Variants in FGD4 observed in about 807,000 individuals in gnomAD.
FGD4 encodes FYVE, RhoGEF and PH domain-containing protein 4.
Under a neutral mutation model 102.0 loss-of-function variants are expected in FGD4, and 42 were observed. The observed-to-expected ratio is 0.41, with a 90% CI of 0.32 to 0.53. FGD4 has a LOEUF of 0.53. Ranked by LOEUF, FGD4 falls within the 20% of genes least tolerant of loss-of-function variation. The pLI, the probability that FGD4 is intolerant of heterozygous loss-of-function variation, is 0.21. For synonymous variants in FGD4, 380 were observed against 375.7 expected (o/e 1.01, Z -0.13); for missense variants, 902 against 1,078.2 (o/e 0.84, Z 2.29).
At chr12:32,529,652 G>C (rs1396659547) in intron 1 of FGD4, among the ~76,000 whole-genome samples, 1 of 151,332 alleles carries the variant, frequency 6.6e-6, no homozygotes, top group African/African-American at 2.4e-5. Context: ...AGACCAGCCT[G>C]ACCAACATGG....
intron 1 of FGD4, among the ~76,000 whole-genome samples, chr12:32,494,151 G>A (rs1307249474): frequency 6.6e-6 from 1 of 152,182 alleles, no homozygotes; most frequent in African/African-American, 2.4e-5. Flanking sequence ...CAATCCTCCT[G>A]CCTCAACCTT....
At chr12:32,620,520 C>CTTTCTTTCTTTTTTTTTT (rs1949747434) in intron 11 of FGD4, among the ~76,000 whole-genome samples, 1 of 91,136 alleles carries the variant, frequency 1.1e-5, no homozygotes, top group African/African-American at 4.6e-5. Context: ...TTTTTTCTTT[C>CTTTCTTTCTTTTTTTTTT]TTTTTTTTTT....
At chr12:32,532,979 G>A (rs766789709) in intron 1 of FGD4, among the ~76,000 whole-genome samples, 8 of 152,206 alleles carry the variant, frequency 5.3e-5, no homozygotes, top group Non-Finnish European at 1.0e-4. Context: ...TGGGGAGCTT[G>A]TGTTGAAGTG....
Position 32,611,154 on chromosome 12 carries a change from C to G in FGD4, c.1620C>G (p.Leu540=). The G allele has an allele frequency of 6.2e-7, 1 of 1,614,048 alleles. No individual in the cohort carries two copies. Among genetic ancestry groups the G allele is most frequent in the Non-Finnish European group, 8.5e-7 (1 of 1,180,014 alleles). ...AIRKMENLKK[L]LEIYEMLGEE... ...TTTCCTAGGAGAACCTAAAGAAACT[C>G]TTAGAGATTTATGAAATGTTGGGAG... is the stretch of plus-strand genomic sequence containing the variant. Residue 540 remains leucine (L), a synonymous_variant, in exon 10 of 17, where the codon CTC becomes CTG. Transcript: ENST00000534526.
chr12:32,564,021 G>C, intron 1 of FGD4, 116 bp from the exon 2 acceptor site: 1 of 907,518 alleles, frequency 1.1e-6, no homozygotes, highest in East Asian at 2.8e-5. Context: ...AAAGGGGAGA[G>C]GGAGAGGGAG....
intron 1 of FGD4, among the ~76,000 whole-genome samples, chr12:32,554,815 C>T (rs1943962337): frequency 6.6e-6 from 1 of 152,194 alleles, no homozygotes; most frequent in Non-Finnish European, 1.5e-5. Context: ...TTTGCTCGGC[C>T]TGTTGGAGGA....
intron 1 of FGD4, chr12:32,486,176 A>C (rs1368527517): frequency 6.6e-7 from 1 of 1,523,116 alleles, no homozygotes; most frequent in African/African-American, 1.4e-5. Flanking sequence ...CATTTCTGAA[A>C]TATCTCAGGT....
At chr12:32,512,272 C>G (rs977753402) in intron 1 of FGD4, among the ~76,000 whole-genome samples, 2 of 151,976 alleles carry the variant, frequency 1.3e-5, no homozygotes, top group African/African-American at 4.8e-5. Context: ...CATAGTGAAA[C>G]TCCCTCTCTA....
intron 3 of FGD4, among the ~76,000 whole-genome samples, chr12:32,580,354 T>C (rs1946505180): frequency 6.6e-6 from 1 of 152,222 alleles, no homozygotes; most frequent in Admixed American, 6.5e-5. Context: ...CTGGCTGTTA[T>C]TATTGTCACA....
At chr12:32,407,278 A>C (rs1365059547) in intron 1 of FGD4, among the ~76,000 whole-genome samples, 2 of 150,556 alleles carry the variant, frequency 1.3e-5, no homozygotes, top group African/African-American at 4.9e-5. Context: ...GGCACCTACC[A>C]CTATGCCCAG....
chr12:32,569,785 A>C (rs1945490303), intron 2 of FGD4, among the ~76,000 whole-genome samples: 1 of 152,208 alleles, frequency 6.6e-6, no homozygotes, highest in African/African-American at 2.4e-5. Flanking sequence ...TTAATTAATG[A>C]AAAAGTGAAA....
intron 2 of FGD4, among the ~76,000 whole-genome samples, chr12:32,566,993 G>A (rs1315128391): frequency 2.6e-5 from 4 of 152,184 alleles, no homozygotes; most frequent in Admixed American, 1.3e-4. Context: ...CTGGTCCAGG[G>A]CGTGTAGCCC....
intron 1 of FGD4, among the ~76,000 whole-genome samples, chr12:32,462,521 T>A (rs1409712275): frequency 1.3e-5 from 2 of 152,104 alleles, no homozygotes; most frequent in African/African-American, 4.8e-5. Flanking sequence ...GTGAGTGTGC[T>A]TGTATGTGTG....
intron 1 of FGD4, among the ~76,000 whole-genome samples, chr12:32,469,563 G>T (rs1465443181): frequency 6.6e-6 from 1 of 152,126 alleles, no homozygotes; most frequent in Non-Finnish European, 1.5e-5. Flanking sequence ...TTACAGGCGT[G>T]AGCCACCACG....
At chr12:32,549,822 G>A (rs1285978827) in intron 1 of FGD4, among the ~76,000 whole-genome samples, 1 of 152,158 alleles carries the variant, frequency 6.6e-6, no homozygotes, top group East Asian at 1.9e-4. Flanking sequence ...TAAAGTGAAA[G>A]GCACTGTTTC....
At chr12:32,561,075 G>GTTTTTTTTT (rs1218919677) in intron 1 of FGD4, among the ~76,000 whole-genome samples, 1 of 85,148 alleles carries the variant, frequency 1.2e-5, no homozygotes, top group Non-Finnish European at 2.2e-5. Flanking sequence ...GTTGGGTTTT[G>GTTTTTTTTT]TTTTTTTTTT....
chr12:32,459,189 C>CTTTT (rs60125522), intron 1 of FGD4, among the ~76,000 whole-genome samples: 18 of 114,430 alleles, frequency 1.6e-4, no homozygotes, highest in Non-Finnish European at 2.7e-4. Flanking sequence ...TTTGACACTG[C>CTTTT]TTTTTTTTTT....
At chr12:32,602,450 C>CAG in intron 7 of FGD4, 133 bp downstream of exon 7, 1 of 979,448 alleles carries the variant, frequency 1.0e-6, no homozygotes, top group Non-Finnish European at 1.6e-6. Flanking sequence ...CCAAATTATG[C>CAG]AGATCATCTC....
intron 1 of FGD4, among the ~76,000 whole-genome samples, chr12:32,459,461 G>C (rs1460368414): frequency 6.6e-6 from 1 of 151,904 alleles, no homozygotes; most frequent in Non-Finnish European, 1.5e-5. Context: ...CCAAAGCGCT[G>C]GGATTATAGG....
Sources: allele counts gnomAD v4.1 joint callset (sites outside exome capture counted in the v4.1 genomes callset), GRCh38; gene constraint gnomAD v4.1.1; transcripts MANE v1.5; gene names NCBI Gene and HGNC (gene_info 2026-07-23, HGNC 2026-07-21).